Variants in KIAA1328 observed in about 807,000 individuals in gnomAD.
KIAA1328 encodes the protein protein hinderin.
A neutral mutation model predicts 68.1 loss-of-function variants in KIAA1328; 52 were observed. The ratio of observed to expected loss-of-function variants is 0.76; its 90% CI spans 0.61 to 0.96. KIAA1328 has a LOEUF of 0.96. KIAA1328 is among the 40% of genes least tolerant of loss of function. The pLI is 0.00. For synonymous variants in KIAA1328, 232 were observed against 239.4 expected (o/e 0.97, Z 0.28); for missense variants, 641 against 677.6 (o/e 0.95, Z 0.60).
chr18:36,969,672 C>A (rs908692534), intron 6 of KIAA1328, among the ~76,000 whole-genome samples: 1 of 152,132 alleles, frequency 6.6e-6, no homozygotes, highest in Non-Finnish European at 1.5e-5. Context: ...ATCTCAAGAC[C>A]AGATAAATTC....
At chr18:37,170,672 A>G (rs1034904011) in intron 8 of KIAA1328, among the ~76,000 whole-genome samples, 11 of 152,238 alleles carry the variant, frequency 7.2e-5, no homozygotes, top group African/African-American at 2.4e-4. Context: ...CAGACTTTTC[A>G]TAGTACTTAT....
intron 7 of KIAA1328, among the ~76,000 whole-genome samples, chr18:37,069,086 T>C (rs2056442528): frequency 6.6e-6 from 1 of 152,216 alleles, no homozygotes; most frequent in Non-Finnish European, 1.5e-5. Context: ...CAAATATCTT[T>C]TATGATCATG....
At chr18:37,086,059 G>T (rs2057093957) in intron 7 of KIAA1328, among the ~76,000 whole-genome samples, 1 of 152,064 alleles carries the variant, frequency 6.6e-6, no homozygotes, top group South Asian at 2.1e-4. Context: ...ATCCAAAAAG[G>T]TTGAATCAAT....
intron 7 of KIAA1328, among the ~76,000 whole-genome samples, chr18:37,133,190 G>A (rs1035058602): frequency 1.3e-5 from 2 of 152,066 alleles, no homozygotes; most frequent in Admixed American, 6.5e-5. Context: ...AAATTAGGTG[G>A]GTGTGATGGC....
At chr18:37,133,201 G>A (rs182784702) in intron 7 of KIAA1328, among the ~76,000 whole-genome samples, 4 of 151,982 alleles carry the variant, frequency 2.6e-5, no homozygotes, top group East Asian at 3.9e-4. Context: ...GTGTGATGGC[G>A]CATGCCTGTA....
intron 5 of KIAA1328, among the ~76,000 whole-genome samples, chr18:36,904,744 G>C (rs938412535): frequency 1.3e-5 from 2 of 151,996 alleles, no homozygotes; most frequent in Non-Finnish European, 2.9e-5. Context: ...AGTTAGGTTT[G>C]AGTTTGTTTT....
chr18:36,991,863 A>C (rs2053192333), intron 6 of KIAA1328, among the ~76,000 whole-genome samples: 1 of 152,178 alleles, frequency 6.6e-6, no homozygotes, highest in Non-Finnish European at 1.5e-5. Flanking sequence ...CTTTTTACAG[A>C]TTGGGCCCAG....
chr18:36,968,027 A>G (rs1180889891), intron 6 of KIAA1328, among the ~76,000 whole-genome samples: 1 of 152,188 alleles, frequency 6.6e-6, no homozygotes, highest in African/African-American at 2.4e-5. Context: ...ATTTCAGGAT[A>G]TCATTCATGA....
chr18:36,953,515 C>T (rs1430084560), intron 5 of KIAA1328, among the ~76,000 whole-genome samples: 1 of 150,826 alleles, frequency 6.6e-6, no homozygotes, highest in Non-Finnish European at 1.5e-5. Flanking sequence ...AATTTACTTA[C>T]AGATATAAAA....
intron 4 of KIAA1328, among the ~76,000 whole-genome samples, chr18:36,881,568 C>T (rs1158699382): frequency 2.0e-5 from 3 of 152,174 alleles, no homozygotes; most frequent in Non-Finnish European, 4.4e-5. Flanking sequence ...GTTTTCATCA[C>T]ACCAAAATGA....
chr18:36,877,273 G>T (rs2048160380), intron 4 of KIAA1328, among the ~76,000 whole-genome samples: 1 of 152,134 alleles, frequency 6.6e-6, no homozygotes, highest in African/African-American at 2.4e-5. Flanking sequence ...ACAGTGGGGT[G>T]TTAAAGTCTC....
At chr18:36,884,882 CTT>C (rs1158405753) in intron 4 of KIAA1328, among the ~76,000 whole-genome samples, 2 of 152,038 alleles carry the variant, frequency 1.3e-5, no homozygotes, top group Non-Finnish European at 2.9e-5. Context: ...TCTCTGTGCT[CTT>C]GTCAGAAGTC....
At chr18:37,073,876 G>T (rs2056617953) in intron 7 of KIAA1328, among the ~76,000 whole-genome samples, 2 of 152,100 alleles carry the variant, frequency 1.3e-5, no homozygotes, top group Non-Finnish European at 2.9e-5. Context: ...ACTAGTTTCT[G>T]CTGATTGTCT....
chr18:36,923,550 G>T (rs912525443), intron 5 of KIAA1328, among the ~76,000 whole-genome samples: 12 of 152,096 alleles, frequency 7.9e-5, no homozygotes, highest in Admixed American at 7.9e-4. Flanking sequence ...TTACATGAAA[G>T]GGATAAATAG....
chr18:36,864,159 G>A (rs1250683094), intron 4 of KIAA1328, among the ~76,000 whole-genome samples: 1 of 152,160 alleles, frequency 6.6e-6, no homozygotes, highest in Non-Finnish European at 1.5e-5. Context: ...ATGATTGCAT[G>A]CTGAATTTTG....
At chr18:37,195,801 A>G (rs939973370) in intron 9 of KIAA1328, among the ~76,000 whole-genome samples, 14 of 152,188 alleles carry the variant, frequency 9.2e-5, no homozygotes, top group African/African-American at 3.1e-4. Context: ...CTGTGGTTCC[A>G]TATGAATTTT....
intron 5 of KIAA1328, 123 bp downstream of exon 5, chr18:36,885,795 G>T: frequency 3.4e-6 from 2 of 591,338 alleles, no homozygotes; most frequent in Non-Finnish European, 5.9e-6. Flanking sequence ...TCAGTTCACC[G>T]CAACCTCCAC....
intron 5 of KIAA1328, among the ~76,000 whole-genome samples, chr18:36,949,624 T>C (rs1444861644): frequency 2.9e-5 from 2 of 68,202 alleles, no homozygotes; most frequent in Non-Finnish European, 5.4e-5. Flanking sequence ...CCGATCTTGA[T>C]TTGCAATTCT....
chr18:37,024,576 G>C (rs1276545033), intron 6 of KIAA1328, among the ~76,000 whole-genome samples: 1 of 142,916 alleles, frequency 7.0e-6, no homozygotes, highest in Non-Finnish European at 1.5e-5. Context: ...CCCTTCCTGT[G>C]TCCAAGTGTT....
Sources: allele counts gnomAD v4.1 joint callset (sites outside exome capture counted in the v4.1 genomes callset), GRCh38; gene constraint gnomAD v4.1.1; transcripts MANE v1.5; gene names NCBI Gene and HGNC (gene_info 2026-07-23, HGNC 2026-07-21).